Variants in REDIC1 observed in about 807,000 individuals in gnomAD.
REDIC1 encodes HEI10 Interacting Protein 1.
chr12:39,652,929 C>A, the REDIC1 span, among the ~76,000 whole-genome samples: 1 of 151,964 alleles, frequency 6.6e-6, no homozygotes, highest in Non-Finnish European at 1.5e-5. Context: ...GTTACTGTAG[C>A]TTTATTGTTA....
the REDIC1 span, among the ~76,000 whole-genome samples, chr12:39,672,258 C>T: frequency 2.6e-5 from 4 of 152,060 alleles, no homozygotes; most frequent in African/African-American, 4.8e-5. Flanking sequence ...GGCCTGTTCT[C>T]AGGGCCCCTG....
chr12:39,894,318 T>C, the REDIC1 span, among the ~76,000 whole-genome samples: 1 of 152,238 alleles, frequency 6.6e-6, no homozygotes, highest in Non-Finnish European at 1.5e-5. Flanking sequence ...TATCCACATA[T>C]TGAATCTGAT....
At chr12:39,805,203 T>G in the REDIC1 span, among the ~76,000 whole-genome samples, 2 of 152,014 alleles carry the variant, frequency 1.3e-5, no homozygotes, top group African/African-American at 2.4e-5. Flanking sequence ...CTGCAGGGCG[T>G]GGTTTTTATT....
chr12:39,773,347 C>A, the REDIC1 span, among the ~76,000 whole-genome samples: 17 of 152,124 alleles, frequency 1.1e-4, no homozygotes, highest in African/African-American at 4.1e-4. Flanking sequence ...AGGCTAAAAC[C>A]TGATATACAG....
the REDIC1 span, among the ~76,000 whole-genome samples, chr12:39,895,173 C>A: frequency 6.6e-6 from 1 of 151,950 alleles, no homozygotes; most frequent in Admixed American, 6.6e-5. Flanking sequence ...CCAGCCAGAA[C>A]CCTGAGTAAC....
the REDIC1 span, among the ~76,000 whole-genome samples, chr12:39,815,602 G>A: frequency 0.71 from 107,224 of 152,026 alleles, 38,285 homozygotes; most frequent in African/African-American, 0.81. Flanking sequence ...TTTGGGGGAC[G>A]GTAAGAGGCG....
the REDIC1 span, chr12:39,721,939 C>T: frequency 6.6e-6 from 1 of 151,978 alleles, no homozygotes; most frequent in African/African-American, 2.4e-5. Flanking sequence ...AGATTCTTTT[C>T]ATAAATATTA....
chr12:39,706,845 AAAATC>A, the REDIC1 span, among the ~76,000 whole-genome samples: 1 of 152,086 alleles, frequency 6.6e-6, no homozygotes, highest in Non-Finnish European at 1.5e-5. Flanking sequence ...ACCATATACA[AAAATC>A]AAATCAAAAT....
At chr12:39,713,171 ATG>A in the REDIC1 span, among the ~76,000 whole-genome samples, 1 of 150,076 alleles carries the variant, frequency 6.7e-6, no homozygotes, top group Non-Finnish European at 1.5e-5. Context: ...ACGTGTATAT[ATG>A]TGCATATACC....
At chr12:39,831,938 C>G in the REDIC1 span, among the ~76,000 whole-genome samples, 5 of 152,152 alleles carry the variant, frequency 3.3e-5, no homozygotes, top group Admixed American at 6.6e-5. Context: ...TGCCCAGTCT[C>G]AGGTATTCCT....
chr12:39,692,017 T>C, the REDIC1 span: 2 of 1,523,480 alleles, frequency 1.3e-6, no homozygotes, highest in African/African-American at 1.4e-5. Flanking sequence ...TATGTATACT[T>C]AGGAATTGTT....
the REDIC1 span, among the ~76,000 whole-genome samples, chr12:39,712,866 CGTATATACACGT>C: frequency 1.4e-4 from 2 of 14,014 alleles, no homozygotes; most frequent in Non-Finnish European, 9.6e-4. Flanking sequence ...TGTATATACA[CGTATATACACGT>C]ATATACATAT....
chr12:39,715,309 T>G, the REDIC1 span, among the ~76,000 whole-genome samples: 1 of 152,006 alleles, frequency 6.6e-6, no homozygotes, highest in East Asian at 1.9e-4. Context: ...CACCATTTGT[T>G]GAAAAGGGTT....
the REDIC1 span, among the ~76,000 whole-genome samples, chr12:39,784,257 G>T: frequency 6.6e-6 from 1 of 152,136 alleles, no homozygotes; most frequent in Admixed American, 6.5e-5. Flanking sequence ...AAAAGAGCCC[G>T]CATTGCCAAG....
the REDIC1 span, among the ~76,000 whole-genome samples, chr12:39,701,142 A>G: frequency 6.6e-6 from 1 of 152,174 alleles, no homozygotes; most frequent in East Asian, 1.9e-4. Flanking sequence ...ACAGATTGGC[A>G]AATTGGATAA....
At chr12:39,696,254 G>A in the REDIC1 span, among the ~76,000 whole-genome samples, 99 of 151,532 alleles carry the variant, frequency 6.5e-4, no homozygotes, top group African/African-American at 1.9e-3. Flanking sequence ...ACTAAATAAC[G>A]CACCAAGGGC....
chr12:39,802,414 T>C, the REDIC1 span: 1 of 152,060 alleles, frequency 6.6e-6, no homozygotes, highest in African/African-American at 2.4e-5. Flanking sequence ...AAGACTAAGA[T>C]GGTTGATGCA....
chr12:39,771,263 C>T, the REDIC1 span, among the ~76,000 whole-genome samples: 1 of 151,908 alleles, frequency 6.6e-6, no homozygotes, highest in Non-Finnish European at 1.5e-5. Context: ...TGGGAGTGAC[C>T]TTGGATTTGC....
chr12:39,818,177 A>G, the REDIC1 span, among the ~76,000 whole-genome samples: 8 of 152,154 alleles, frequency 5.3e-5, no homozygotes, highest in African/African-American at 1.9e-4. Flanking sequence ...TGAAAAAGCT[A>G]TTAAATACCC....
Sources: gnomAD v4.1 joint callset for allele counts (sites outside exome capture counted in the v4.1 genomes callset) on GRCh38, gnomAD v4.1.1 for gene constraint, MANE v1.5 for transcripts, NCBI Gene and HGNC (gene_info 2026-07-23, HGNC 2026-07-21) for gene names.